HHIPL1: variants seen among roughly 807,000 people sequenced by gnomAD.
The protein encoded by HHIPL1 is HHIP-like protein 1.
Under a neutral mutation model 61.8 loss-of-function variants are expected in HHIPL1, and 43 were observed. The ratio of observed to expected loss-of-function variants is 0.70; its 90% CI spans 0.55 to 0.90. HHIPL1 has a LOEUF of 0.90. Ranked by LOEUF, HHIPL1 falls within the 40% of genes least tolerant of loss-of-function variation. HHIPL1 has a pLI of 0.00. For missense variants in HHIPL1, 1,056 were observed against 1,157.7 expected (o/e 0.91, Z 1.28); for synonymous variants, 482 against 515.8 (o/e 0.93, Z 0.89).
chr14:99,652,957 C>A, intron 2 of HHIPL1, 87 bp downstream of exon 2: 1 of 1,324,658 alleles, frequency 7.5e-7, no homozygotes, highest in Non-Finnish European at 1.0e-6. Flanking sequence ...CCTGTTCTCA[C>A]ATATTGTGAA....
chr14:99,675,406 C>CCGT lies in HHIPL1; in HGVS notation c.2133_2135dup (p.Val712dup). On this transcript the variant is annotated inframe_insertion, in exon 9 of 9. Coordinates refer to ENST00000330710, the MANE Select transcript of HHIPL1 (RefSeq NM_001127258.3). This position sits in a 1 kb window ranked among gnomAD's most constrained non-coding sequence, Gnocchi z 5.4. ...GACTCCTGGAACATCAGCGGCGCCG[C>CCGT]CGTCGTGTGTCGCCAGCTGGGGTTT... 1 of 1,529,224 alleles carries CCGT rather than the reference C, an allele frequency of 6.5e-7. No individual in the cohort carries two copies. The highest frequency in any genetic ancestry group is 8.8e-7 in the Non-Finnish European group (1 of 1,141,534). The allele number at this position is 1,529,224 out of a possible 1,614,324, so 94.7% of individuals were successfully genotyped here.
At chr14:99,662,055 A>T (rs1218664044) in intron 5 of HHIPL1, among the ~76,000 whole-genome samples, 3 of 152,132 alleles carry the variant, frequency 2.0e-5, no homozygotes, top group Non-Finnish European at 4.4e-5. Flanking sequence ...TGTCCTTCCC[A>T]GGAGAGCCCA....
chr14:99,673,951 G>C (rs1161565062), intron 8 of HHIPL1, among the ~76,000 whole-genome samples: 1 of 150,720 alleles, frequency 6.6e-6, no homozygotes, highest in Non-Finnish European at 1.5e-5. Flanking sequence ...GGTGCACCGA[G>C]GGGGGTGGCA....
chr14:99,620,824 T>C, the HHIPL1 span, among the ~76,000 whole-genome samples: 1 of 152,228 alleles, frequency 6.6e-6, no homozygotes. Flanking sequence ...CTCTAGCCCA[T>C]TTCCCTCTGG....
At chr14:99,615,739 A>G in the HHIPL1 span, among the ~76,000 whole-genome samples, 17 of 152,148 alleles carry the variant, frequency 1.1e-4, no homozygotes, top group South Asian at 4.2e-4. Context: ...AAGAAAGAAA[A>G]AAAGACATGA....
chr14:99,637,221 A>G, the HHIPL1 span, among the ~76,000 whole-genome samples: 69 of 129,996 alleles, frequency 5.3e-4, no homozygotes, highest in Admixed American at 9.6e-4. Context: ...AGAAAGAAAG[A>G]AAGAAAGAAA....
At position 99,676,576 on chromosome 14, in the gene HHIPL1, T is replaced by TCC. The variant is rs1162420071; in HGVS notation, c.*951_*952dup. ...GTGTAAACCCAGGAGACCTGATTCCTCCAGCCCTACCTCGGGGCTGACCAG... is the reference window on the plus strand; with the variant it reads ...GTGTAAACCCAGGAGACCTGATTCCTCCCCAGCCCTACCTCGGGGCTGACCAG... On this transcript the variant is annotated 3_prime_UTR_variant, in exon 9 of 9. Coordinates refer to ENST00000330710, the MANE Select transcript of HHIPL1 (RefSeq NM_001127258.3). 6.6e-6 allele frequency: 1 copy of TCC among 152,348 alleles called. No individual in the cohort carries two copies. The highest frequency in any genetic ancestry group is 1.9e-4 in the East Asian group (1 of 5,188). The allele number at this position is 152,348 out of a possible 1,614,324, so 9.4% of individuals were successfully genotyped here.
chr14:99,630,167 G>A, the HHIPL1 span, among the ~76,000 whole-genome samples: 3 of 152,308 alleles, frequency 2.0e-5, no homozygotes, highest in South Asian at 2.1e-4. Flanking sequence ...ATTCAGCCCC[G>A]GAGGAGCTCA....
intron 6 of HHIPL1, among the ~76,000 whole-genome samples, chr14:99,666,306 C>T (rs1028217639): frequency 5.3e-5 from 8 of 152,210 alleles, no homozygotes; most frequent in African/African-American, 1.9e-4. Context: ...GAGGCAGCTT[C>T]TGAGGCCTTC....
the HHIPL1 span, among the ~76,000 whole-genome samples, chr14:99,628,582 A>C: frequency 8.4e-6 from 1 of 119,298 alleles, no homozygotes; most frequent in African/African-American, 3.9e-5. Context: ...ACTCCAACTC[A>C]AAAAAAAAAA....
chr14:99,644,813 C>G (rs1212835436), upstream of HHIPL1, among the ~76,000 whole-genome samples: 1 of 152,188 alleles, frequency 6.6e-6, no homozygotes, highest in Non-Finnish European at 1.5e-5. Context: ...GGGCTGCGGG[C>G]ATCCGTTTCC....
Position 99,660,429 on chromosome 14 carries a change from G to C in HHIPL1, c.1502+23G>C. The C allele has an allele frequency of 6.3e-7, 1 of 1,599,406 alleles. No homozygotes were observed. Among genetic ancestry groups the C allele is most frequent in the Non-Finnish European group, 8.5e-7 (1 of 1,170,036 alleles). On this transcript the variant is annotated intron_variant, in intron 5 of 8. Coordinates refer to ENST00000330710, the MANE Select transcript of HHIPL1 (RefSeq NM_001127258.3). This position sits in a 1 kb window ranked among gnomAD's most constrained non-coding sequence, Gnocchi z 4.9. Reference sequence around the variant, plus strand: ...CGGGTAAGTGACCTAGTGCCCTCGCGCCCCTGGCTGCTGCCACTGGCTCCT... The same window carrying C: ...CGGGTAAGTGACCTAGTGCCCTCGCCCCCCTGGCTGCTGCCACTGGCTCCT...
intron 3 of HHIPL1, among the ~76,000 whole-genome samples, chr14:99,657,764 CAT>C (rs2056073901): frequency 6.6e-6 from 1 of 151,978 alleles, no homozygotes; most frequent in Admixed American, 6.6e-5. Flanking sequence ...CACATACACA[CAT>C]GCATATGCTA....
chr14:99,662,785 A>G, intron 5 of HHIPL1, 91 bp from the exon 6 acceptor site: 2 of 1,201,206 alleles, frequency 1.7e-6, no homozygotes, highest in Non-Finnish European at 2.3e-6. Context: ...AGGAATGGAT[A>G]CATGGATGGA....
At chr14:99,644,543 G>A (rs904552833), upstream of HHIPL1, among the ~76,000 whole-genome samples, 1 of 152,164 alleles carries the variant, frequency 6.6e-6, no homozygotes, top group African/African-American at 2.4e-5. Context: ...CCAGGAGGTA[G>A]ATTCATCAGT....
chr14:99,656,965 A>G (rs751679738), intron 2 of HHIPL1, 35 bp from the exon 3 acceptor site: 17 of 1,552,832 alleles, frequency 1.1e-5, no homozygotes, highest in Middle Eastern at 3.5e-4. Flanking sequence ...TCATGCGTGG[A>G]AGGCTGAGTT....
chr14:99,624,776 G>A, the HHIPL1 span: 1 of 152,254 alleles, frequency 6.6e-6, no homozygotes, highest in Non-Finnish European at 1.5e-5. Context: ...CTACTTCAGG[G>A]AACCATACAG....
At chr14:99,615,693 AAG>A in the HHIPL1 span, among the ~76,000 whole-genome samples, 6 of 151,620 alleles carry the variant, frequency 4.0e-5, no homozygotes, top group Non-Finnish European at 7.4e-5. Context: ...GAAAGAAAGA[AAG>A]AGAAAGAAAG....
intron 7 of HHIPL1, among the ~76,000 whole-genome samples, chr14:99,670,026 C>T (rs1952425): frequency 6.6e-6 from 1 of 152,080 alleles, no homozygotes; most frequent in African/African-American, 2.4e-5. Flanking sequence ...ATTATGAACA[C>T]CTCACATTAC....
Sources: gnomAD v4.1 joint callset for allele counts (sites outside exome capture counted in the v4.1 genomes callset) on GRCh38, gnomAD v4.1.1 for gene constraint, Gnocchi (gnomAD v3.1) non-coding constraint, MANE v1.5 for transcripts, NCBI Gene and HGNC (gene_info 2026-07-23, HGNC 2026-07-21) for gene names.